SDCCAG8: variants seen among roughly 807,000 people sequenced by gnomAD.
The protein encoded by SDCCAG8 is serologically defined colon cancer antigen 8.
Under a neutral mutation model 101.8 loss-of-function variants are expected in SDCCAG8, and 74 were observed. The ratio of observed to expected loss-of-function variants is 0.73; its 90% CI spans 0.60 to 0.88. The LOEUF (loss-of-function observed/expected upper bound fraction) is 0.88. Ranked by LOEUF, SDCCAG8 falls within the 40% of genes least tolerant of loss-of-function variation. The probability of loss-of-function intolerance (pLI) is 0.00; values close to 1 mark genes in which losing one functional copy is unlikely to be tolerated. For synonymous variants in SDCCAG8, 281 were observed against 292.9 expected (o/e 0.96, Z 0.41); for missense variants, 787 against 822.6 (o/e 0.96, Z 0.53).
intron 13 of SDCCAG8, among the ~76,000 whole-genome samples, chr1:243,415,290 G>A (rs565666024): frequency 4.0e-4 from 61 of 152,122 alleles, no homozygotes; most frequent in Non-Finnish European, 8.2e-4. Context: ...AGTGAAAACA[G>A]AGGTGGTCTA....
intron 9 of SDCCAG8, 151 bp downstream of exon 9, chr1:243,317,044 A>G (rs2073312996): frequency 1.2e-6 from 1 of 841,878 alleles, no homozygotes; most frequent in Non-Finnish European, 1.9e-6. Context: ...TTTCTGAATT[A>G]AACAAATTTG....
At chr1:243,406,741 T>C (rs532214519) in intron 13 of SDCCAG8, among the ~76,000 whole-genome samples, 80 of 152,294 alleles carry the variant, frequency 5.3e-4, no homozygotes, top group African/African-American at 1.8e-3. Context: ...AACTGTGCGC[T>C]GCTGCCCCAC....
intron 1 of SDCCAG8, among the ~76,000 whole-genome samples, chr1:243,265,998 C>T (rs2067555597): frequency 6.6e-6 from 1 of 152,046 alleles, no homozygotes; most frequent in African/African-American, 2.4e-5. Flanking sequence ...CATTTGAAAG[C>T]TCCATGGAAT....
At chr1:243,331,651 C>A (rs1558307056) in intron 10 of SDCCAG8, among the ~76,000 whole-genome samples, 2 of 152,102 alleles carry the variant, frequency 1.3e-5, no homozygotes, top group Non-Finnish European at 2.9e-5. Context: ...ACCTTCTCTG[C>A]CCTGGATTGG....
At chr1:243,468,713 A>C (rs769004807) in intron 16 of SDCCAG8, among the ~76,000 whole-genome samples, 2 of 152,206 alleles carry the variant, frequency 1.3e-5, no homozygotes, top group Non-Finnish European at 2.9e-5. Context: ...TAAAAATAAA[A>C]TGGCTGACAA....
intron 2 of SDCCAG8, 26 bp from the exon 3 acceptor site, chr1:243,270,952 A>C: frequency 6.4e-7 from 1 of 1,558,786 alleles, no homozygotes; most frequent in Non-Finnish European, 8.9e-7. Flanking sequence ...AATAAGGTTA[A>C]TAAACCCTCT....
At chr1:243,372,214 TG>T (rs2077332155) in intron 12 of SDCCAG8, among the ~76,000 whole-genome samples, 1 of 152,128 alleles carries the variant, frequency 6.6e-6, no homozygotes, top group Non-Finnish European at 1.5e-5. Flanking sequence ...AAATTCACAT[TG>T]TCAAAATTTG....
At chr1:243,298,460 C>T (rs746034352) in intron 6 of SDCCAG8, among the ~76,000 whole-genome samples, 34 of 147,444 alleles carry the variant, frequency 2.3e-4, no homozygotes, top group Non-Finnish European at 4.2e-4. Flanking sequence ...CGGGTTCAAG[C>T]GATTCTCCCA....
At chr1:243,391,095 G>A (rs912064103) in intron 13 of SDCCAG8, among the ~76,000 whole-genome samples, 13 of 152,156 alleles carry the variant, frequency 8.5e-5, no homozygotes, top group Admixed American at 1.3e-4. Flanking sequence ...CACTGTGCCC[G>A]CCTTTGATAT....
At chr1:243,450,732 C>T (rs2083288285) in intron 16 of SDCCAG8, among the ~76,000 whole-genome samples, 1 of 152,180 alleles carries the variant, frequency 6.6e-6, no homozygotes, top group African/African-American at 2.4e-5. Context: ...CATCTCAGCT[C>T]ACTGCAACCT....
At chr1:243,468,209 C>A (rs1277335631) in intron 16 of SDCCAG8, among the ~76,000 whole-genome samples, 5 of 151,736 alleles carry the variant, frequency 3.3e-5, no homozygotes, top group African/African-American at 1.2e-4. Context: ...ATCAATAATA[C>A]CTTCTTCAAA....
At chr1:243,259,774 G>A (rs760884233) in intron 1 of SDCCAG8, among the ~76,000 whole-genome samples, 3 of 152,062 alleles carry the variant, frequency 2.0e-5, no homozygotes, top group Non-Finnish European at 4.4e-5. Context: ...GGCGGAGGTT[G>A]CAGTGTGCTG....
At position 243,458,417 on chromosome 1, in the gene SDCCAG8, A is replaced by C. The variant is rs1395432488; in HGVS notation, c.1986-30597A>C. On this transcript the variant is annotated intron_variant, in intron 16 of 17. Transcript: ENST00000366541. This position sits in a 1 kb window ranked among gnomAD's most constrained non-coding sequence, Gnocchi z 4.5. The stretch of plus-strand genomic sequence containing the variant: ...TAATTATGTAAGATATAATAAATAT[A>C]TAATAATCGTCATTGTAATTCTCAT... 6.6e-6 allele frequency among the ~76,000 whole-genome samples: 1 copy of C among 151,818 alleles called. No homozygotes were observed. Among genetic ancestry groups the C allele is most frequent in the Non-Finnish European group, 1.5e-5 (1 of 67,966 alleles).
chr1:243,485,472 C>T (rs1418467203), intron 16 of SDCCAG8, among the ~76,000 whole-genome samples: 1 of 152,084 alleles, frequency 6.6e-6, no homozygotes, highest in Non-Finnish European at 1.5e-5. Flanking sequence ...CAGTAACCAC[C>T]ATGGAAAAGA....
chr1:243,480,990 G>A (rs1440974971), intron 16 of SDCCAG8, among the ~76,000 whole-genome samples: 1 of 151,912 alleles, frequency 6.6e-6, no homozygotes, highest in Non-Finnish European at 1.5e-5. Flanking sequence ...ACTAGGGGTG[G>A]TCCCACCCAC....
intron 16 of SDCCAG8, among the ~76,000 whole-genome samples, chr1:243,427,718 G>T (rs72759875): frequency 0.038 from 5,847 of 152,160 alleles, 156 homozygotes; most frequent in South Asian, 0.084. Context: ...TTGATTACTT[G>T]CTTTATTGAA....
chr1:243,406,945 C>G (rs547973619), intron 13 of SDCCAG8, among the ~76,000 whole-genome samples: 60 of 152,242 alleles, frequency 3.9e-4, no homozygotes, highest in African/African-American at 1.4e-3. Context: ...TGAAATCCTT[C>G]CTCCCTGTCC....
intron 9 of SDCCAG8, 94 bp downstream of exon 9, chr1:243,316,987 T>C: frequency 2.3e-6 from 3 of 1,307,362 alleles, no homozygotes; most frequent in Non-Finnish European, 3.2e-6. Flanking sequence ...AACTAAACTT[T>C]GTTTTTCAAA....
intron 13 of SDCCAG8, among the ~76,000 whole-genome samples, chr1:243,402,406 T>TAA (rs201645972): frequency 8.1e-5 from 10 of 123,286 alleles, no homozygotes; most frequent in African/African-American, 1.8e-4. Flanking sequence ...CTGTCTCAAT[T>TAA]AAAAAAAAAA....
Sources: gnomAD v4.1 joint callset for allele counts (sites outside exome capture counted in the v4.1 genomes callset) on GRCh38, gnomAD v4.1.1 for gene constraint, Gnocchi (gnomAD v3.1) non-coding constraint, MANE v1.5 for transcripts, NCBI Gene and HGNC (gene_info 2026-07-23, HGNC 2026-07-21) for gene names.